Variants in SOD2 observed in about 807,000 individuals in gnomAD.
The protein encoded by SOD2 is superoxide dismutase [Mn], mitochondrial.
Under a neutral mutation model 27.0 loss-of-function variants are expected in SOD2, and 11 were observed. The observed-to-expected ratio is 0.41, with a 90% CI of 0.26 to 0.67. The LOEUF is 0.67. SOD2 is among the 30% of genes least tolerant of loss of function. The probability of loss-of-function intolerance (pLI) is 0.34; values close to 1 mark genes in which losing one functional copy is unlikely to be tolerated. For missense variants in SOD2, 250 were observed against 274.5 expected, an observed-to-expected ratio of 0.91 and a Z score of 0.63; for synonymous variants, 105 against 103.0, an observed-to-expected ratio of 1.02 and a Z score of -0.12.
At chr6:159,745,375 CTT>C (rs1331627945), upstream of SOD2, among the ~76,000 whole-genome samples, 21 of 152,096 alleles carry the variant, frequency 1.4e-4, no homozygotes, top group African/African-American at 5.1e-4. Flanking sequence ...CCTCATCACT[CTT>C]GTCTCCTCGA....
At chr6:159,712,434 C>G (rs1363789920) in intron 1 of SOD2, among the ~76,000 whole-genome samples, 26 of 54,844 alleles carry the variant, frequency 4.7e-4, no homozygotes, top group Non-Finnish European at 6.8e-4. Flanking sequence ...CCTCCATAAC[C>G]ACCACTCACA....
chr6:159,692,468 A>T, intron 2 of SOD2, 193 bp downstream of exon 2: 1 of 1,440,784 alleles, frequency 6.9e-7, no homozygotes, highest in Non-Finnish European at 9.1e-7. Context: ...GTGTGTTCAA[A>T]CCCATCGAGG....
chr6:159,669,214 TG>T lies in SOD2; in HGVS notation c.*13278del, dbSNP rs1779606475. On this transcript the variant is annotated 3_prime_UTR_variant, in exon 5 of 5. Coordinates refer to ENST00000538183, the MANE Select transcript of SOD2 (RefSeq NM_000636.4). ...GTGGAAAGAACACTAAGGCAGGAAG[TG>T]GGTTCCAGAACTAGTCTGGTGAATG... is the stretch of plus-strand genomic sequence containing the variant. 1 of 152,162 alleles carries T rather than the reference TG, an allele frequency of 6.6e-6. No individual in the cohort carries two copies. Among genetic ancestry groups the T allele is most frequent in the South Asian group, 2.1e-4 (1 of 4,832 alleles). The allele number at this position is 152,162 out of a possible 1,614,324, so 9.4% of individuals were successfully genotyped here.
Position 159,720,145 on chromosome 6 carries a change from C to G in SOD2, c.-116+6984G>C, listed in dbSNP as rs533523759. ...TCCCGGGTTCAAGCGAATCTCCTGT[C>G]TCATCCTCCGGAGTAGCTGGGATTA... On this transcript the variant is annotated intron_variant, in intron 1 of 2. Transcript: ENST00000401980. Among the ~76,000 whole-genome samples, 112 of 151,936 alleles carry G rather than the reference C, an allele frequency of 7.4e-4. 1 individual carries two copies. Among genetic ancestry groups the G allele is most frequent in the Non-Finnish European group, 1.4e-3 (98 of 68,000 alleles).
intron 1 of SOD2, among the ~76,000 whole-genome samples, chr6:159,759,055 TTTTA>T (rs762719717): frequency 1.3e-5 from 2 of 151,110 alleles, no homozygotes; most frequent in Non-Finnish European, 3.0e-5. Context: ...TGTAATTTTA[TTTTA>T]TTTCTTTTTT....
chr6:159,743,687 A>G (rs1325227595), intron 1 of SOD2: 11 of 1,612,998 alleles, frequency 6.8e-6, no homozygotes, highest in Non-Finnish European at 9.3e-6. Context: ...CTGGCCTAAG[A>G]GAGTCTGAAG....
chr6:159,684,725 TG>T, intron 4 of SOD2, 128 bp downstream of exon 4: 1 of 608,076 alleles, frequency 1.6e-6, no homozygotes, highest in Non-Finnish European at 2.8e-6. Context: ...CACAAGACTC[TG>T]GGTGTTATCT....
rs776553726 is a variant in SOD2 at position 159,682,466 on chromosome 6, T to C, written c.*27A>G. ...ACTACAAAAACAGTCATAAAGAGCTTAACATACTCAGCATAACGATCGTGG... is the reference window on the plus strand; with the variant it reads ...ACTACAAAAACAGTCATAAAGAGCTCAACATACTCAGCATAACGATCGTGG... On this transcript the variant is annotated 3_prime_UTR_variant, in exon 5 of 5. Coordinates refer to ENST00000538183, the MANE Select transcript of SOD2 (RefSeq NM_000636.4). 1.9e-6 allele frequency: 3 copies of C among 1,606,628 alleles called. No homozygotes were observed. In the African/African-American group the frequency reaches 4.0e-5, roughly 21 times the overall value.
chr6:159,704,610 G>A (rs1454880283), intron 1 of SOD2, among the ~76,000 whole-genome samples: 1 of 152,206 alleles, frequency 6.6e-6, no homozygotes, highest in Non-Finnish European at 1.5e-5. Flanking sequence ...GCTTGAGCAG[G>A]TAAACAAAGC....
intron 1 of SOD2, among the ~76,000 whole-genome samples, chr6:159,721,090 C>T (rs988936420): frequency 2.7e-5 from 4 of 149,460 alleles, no homozygotes; most frequent in African/African-American, 7.4e-5. Flanking sequence ...TTTTTTGAGA[C>T]GGAGTCTCGC....
chr6:159,752,018 AC>A (rs1779838050), intron 1 of SOD2, among the ~76,000 whole-genome samples: 1 of 151,276 alleles, frequency 6.6e-6, no homozygotes, highest in Non-Finnish European at 1.5e-5. Context: ...AGCTGAGATC[AC>A]GCCACTGCAC....
chr6:159,698,591 A>G (rs1777470651), intron 1 of SOD2, among the ~76,000 whole-genome samples: 1 of 143,968 alleles, frequency 6.9e-6, no homozygotes, highest in Non-Finnish European at 1.5e-5. Flanking sequence ...AAAAAAAAAA[A>G]AAAAAATCCA....
At chr6:159,684,812 A>C in intron 4 of SOD2, 42 bp downstream of exon 4, 13 of 1,496,234 alleles carry the variant, frequency 8.7e-6, no homozygotes, top group Non-Finnish European at 1.2e-5. Context: ...GCTTTACAGT[A>C]GAGCATCTCT....
rs144201403 is a variant in SOD2 at position 159,757,164 on chromosome 6, C to G, written c.-336+3873G>C. The stretch of plus-strand genomic sequence containing the variant: ...TAAAAGTATGATATTGAATGGCCTT[C>G]AAATGTGTAGCTTTCATATATGGTT... On this transcript the variant is annotated intron_variant, in intron 1 of 7. Coordinates refer to the SOD2 transcript ENST00000546087. Among the ~76,000 whole-genome samples, 13 of 152,248 alleles carry G rather than the reference C, an allele frequency of 8.5e-5. No homozygotes were observed. The East Asian group carries it at 2.5e-3, about 29-fold the overall frequency.
intron 1 of SOD2, among the ~76,000 whole-genome samples, chr6:159,721,172 A>T (rs1234284947): frequency 6.6e-6 from 1 of 151,438 alleles, no homozygotes; most frequent in Non-Finnish European, 1.5e-5. Context: ...GGTTCATGCC[A>T]TTCTCCTGCC....
rs1410845740 is a variant in SOD2 at position 159,710,739 on chromosome 6, A to ACCATAACCACCT, written c.-116+16389_-116+16390insAGGTGGTTATGG. On this transcript the variant is annotated intron_variant, in intron 1 of 2. Transcript: ENST00000401980. Reference sequence around the variant, plus strand: ...AACCACCAGTCACACTGCTCTGACCACCATAACCACCACTCATACTGCTCT... The same window carrying ACCATAACCACCT: ...AACCACCAGTCACACTGCTCTGACCACCATAACCACCTCCATAACCACCACTCATACTGCTCT... Among the ~76,000 whole-genome samples, 76 of 145,278 alleles carry ACCATAACCACCT rather than the reference A, an allele frequency of 5.2e-4. 2 individuals are homozygous for ACCATAACCACCT. In the South Asian group the frequency reaches 0.016, roughly 30 times the overall value.
exon 1 of SOD2, chr6:159,762,093 T>C: frequency 1.2e-6 from 2 of 1,613,100 alleles, no homozygotes; most frequent in South Asian, 1.1e-5. Flanking sequence ...GCAAGATGAA[T>C]GCAGGCTCAG....
exon 1 of SOD2, chr6:159,761,553 A>G (rs1286665950): frequency 4.4e-6 from 2 of 456,332 alleles, no homozygotes. Flanking sequence ...GCCGAGAGCA[A>G]AAGGACCCAT....
At chr6:159,687,913 A>T (rs1780266820) in intron 3 of SOD2, among the ~76,000 whole-genome samples, 1 of 152,170 alleles carries the variant, frequency 6.6e-6, no homozygotes, top group South Asian at 2.1e-4. Context: ...TGGGAGGCTG[A>T]GGCAGGAGAA....
Sources: allele counts gnomAD v4.1 joint callset (sites outside exome capture counted in the v4.1 genomes callset), GRCh38; gene constraint gnomAD v4.1.1; transcripts MANE v1.5; gene names NCBI Gene and HGNC (gene_info 2026-07-23, HGNC 2026-07-21).